Variants in WDR27 observed in about 807,000 individuals in gnomAD.
The protein encoded by WDR27 is WD repeat-containing protein 27.
A neutral mutation model predicts 114.4 loss-of-function variants in WDR27; 100 were observed. That is an observed-to-expected ratio of 0.87 (90% CI 0.74 to 1.03). WDR27 has a LOEUF of 1.03. WDR27 is among the 50% of genes least tolerant of loss of function. WDR27 has a pLI of 0.00. For synonymous variants in WDR27, 449 were observed against 423.1 expected (o/e 1.06, Z -0.75); for missense variants, 1,129 against 1,092.9 (o/e 1.03, Z -0.47).
chr6:169,640,355 T>A (rs67731463), intron 17 of WDR27, among the ~76,000 whole-genome samples: 81,126 of 152,154 alleles, frequency 0.53, 25,699 homozygotes, highest in East Asian at 0.98. Context: ...TATAAGAATA[T>A]GAACATAACT....
chr6:169,541,436 C>T (rs1395236521), intron 25 of WDR27, among the ~76,000 whole-genome samples: 1 of 152,338 alleles, frequency 6.6e-6, no homozygotes, highest in Non-Finnish European at 1.5e-5. Context: ...AGGAATCTGA[C>T]TGCATCAAGC....
the WDR27 span, among the ~76,000 whole-genome samples, chr6:169,439,072 A>C: frequency 6.6e-6 from 1 of 152,170 alleles, no homozygotes; most frequent in Non-Finnish European, 1.5e-5. Flanking sequence ...GCTTAAATTG[A>C]CTTTGGGATT....
chr6:169,700,748 T>C (rs1787724359), intron 1 of WDR27, among the ~76,000 whole-genome samples: 2 of 152,186 alleles, frequency 1.3e-5, no homozygotes, highest in South Asian at 2.1e-4. Flanking sequence ...CTAATATAAA[T>C]TGTTTAACAT....
chr6:169,622,874 C>G (rs1562725198), intron 21 of WDR27, among the ~76,000 whole-genome samples: 1 of 152,226 alleles, frequency 6.6e-6, no homozygotes, highest in Non-Finnish European at 1.5e-5. Context: ...GCCAAACTAA[C>G]TTGGGGAGGA....
chr6:169,559,597 T>A (rs1799389417), intron 25 of WDR27: 1 of 152,060 alleles, frequency 6.6e-6, no homozygotes, highest in Non-Finnish European at 1.5e-5. Context: ...TGGAACTGAG[T>A]TCTAGTCAAT....
Position 169,647,756 on chromosome 6 carries a change from C to T in WDR27, c.1657+17G>A, listed in dbSNP as rs375907349. On this transcript the variant is annotated intron_variant, in intron 16 of 25. Transcript: ENST00000448612. ...TTACAATGAAATGCTACCCAGCTCC[C>T]GCAGGACGTGGCGCACCTGAGTACT... 522 of 1,559,770 alleles carry T rather than the reference C, an allele frequency of 3.3e-4. No individual in the cohort carries two copies. In the African/African-American group the frequency reaches 6.4e-3, roughly 19 times the overall value.
At chr6:169,644,624 C>T (rs79404377) in intron 16 of WDR27, among the ~76,000 whole-genome samples, 5 of 92,718 alleles carry the variant, frequency 5.4e-5, no homozygotes, top group African/African-American at 1.2e-4. Flanking sequence ...GTCACACTGT[C>T]GAAAAGCCTA....
intron 25 of WDR27, among the ~76,000 whole-genome samples, chr6:169,541,237 C>T (rs1796805089): frequency 6.6e-6 from 1 of 151,202 alleles, no homozygotes; most frequent in South Asian, 2.1e-4. Context: ...TACACAAAAC[C>T]AGAGTCTCTG....
At chr6:169,490,620 A>G (rs1388622550) in intron 25 of WDR27, among the ~76,000 whole-genome samples, 1 of 152,126 alleles carries the variant, frequency 6.6e-6, no homozygotes, top group Non-Finnish European at 1.5e-5. Context: ...CTACTCTCTC[A>G]ATATCTGTTC....
At chr6:169,447,156 A>C in the WDR27 span, among the ~76,000 whole-genome samples, 10 of 152,242 alleles carry the variant, frequency 6.6e-5, no homozygotes, top group East Asian at 1.9e-3. Flanking sequence ...TTTCTTTAGG[A>C]TTCATATTAT....
At chr6:169,675,715 G>A (rs1358320027) in intron 2 of WDR27, among the ~76,000 whole-genome samples, 2 of 152,154 alleles carry the variant, frequency 1.3e-5, no homozygotes, top group African/African-American at 2.4e-5. Flanking sequence ...ATCTGAGATC[G>A]ATAGGAATAT....
rs764015406 is a variant in WDR27 at position 169,668,035 on chromosome 6, A to C, written c.607T>G (p.Cys203Gly). ...ATGAGGGTGCCTGCTCGCCAGGGACAGAACTCCACCGCAGTCACCGGGCCC... is the reference window on the plus strand; with the variant it reads ...ATGAGGGTGCCTGCTCGCCAGGGACCGAACTCCACCGCAGTCACCGGGCCC... ...HLGPVTAVEF[C>G]PWRAGTLISA... The change falls in exon 5 of 26, where the codon TGT becomes GGT. Residue 203 changes from cysteine (C) to glycine (G), a missense_variant. Transcript: ENST00000448612. The C allele has an allele frequency of 6.2e-7, 1 of 1,614,048 alleles. No homozygotes were observed. Among genetic ancestry groups the C allele is most frequent in the South Asian group, 1.1e-5 (1 of 91,086 alleles).
At chr6:169,643,631 G>T in intron 17 of WDR27, 66 bp downstream of exon 17, 1 of 1,388,438 alleles carries the variant, frequency 7.2e-7, no homozygotes, top group Non-Finnish European at 1.0e-6. Flanking sequence ...TTTAGCAACT[G>T]ATAACCAGGA....
chr6:169,435,176 T>C, the WDR27 span, among the ~76,000 whole-genome samples: 1 of 152,208 alleles, frequency 6.6e-6, no homozygotes, highest in South Asian at 2.1e-4. Flanking sequence ...GAATTGAGGT[T>C]TGGGAACCTC....
At chr6:169,566,393 G>A (rs190536449) in intron 25 of WDR27, among the ~76,000 whole-genome samples, 1 of 152,342 alleles carries the variant, frequency 6.6e-6, no homozygotes, top group African/African-American at 2.4e-5. Flanking sequence ...CAGAGGGGCC[G>A]GCCCTCCAGC....
intron 1 of WDR27, among the ~76,000 whole-genome samples, chr6:169,697,874 C>T (rs989122818): frequency 6.6e-6 from 1 of 152,088 alleles, no homozygotes; most frequent in Admixed American, 6.5e-5. Flanking sequence ...TGGTAGTGGT[C>T]CCCCGGGCCC....
chr6:169,676,184 G>A (rs1780030939), intron 2 of WDR27, among the ~76,000 whole-genome samples: 1 of 152,072 alleles, frequency 6.6e-6, no homozygotes, highest in Non-Finnish European at 1.5e-5. Context: ...AGAACCATGA[G>A]CCAATTAAAT....
chr6:169,451,408 A>G, the WDR27 span, among the ~76,000 whole-genome samples: 1 of 152,078 alleles, frequency 6.6e-6, no homozygotes, highest in Non-Finnish European at 1.5e-5. Flanking sequence ...CATCACCAGG[A>G]CCTCCTGAGG....
chr6:169,564,510 C>A (rs551079495), intron 25 of WDR27, among the ~76,000 whole-genome samples: 1 of 152,362 alleles, frequency 6.6e-6, no homozygotes, highest in South Asian at 2.1e-4. Context: ...TGAGAGCCTG[C>A]ACTGCTTTGT....
Sources: allele counts gnomAD v4.1 joint callset (sites outside exome capture counted in the v4.1 genomes callset), GRCh38; gene constraint gnomAD v4.1.1; transcripts MANE v1.5; gene names NCBI Gene and HGNC (gene_info 2026-07-23, HGNC 2026-07-21).